NPIPB2: variants seen among roughly 807,000 people sequenced by gnomAD.
The protein encoded by NPIPB2 is nuclear pore complex interacting protein family member B2, also known as nuclear pore complex-interacting protein family member B2.
Under a neutral mutation model 30.8 loss-of-function variants are expected in NPIPB2, and 27 were observed. The observed-to-expected ratio is 0.88, with a 90% CI of 0.65 to 1.21. The LOEUF is 1.21. NPIPB2 is among the 50% of genes most tolerant of loss of function. The probability of loss-of-function intolerance (pLI) is 0.00; values close to 1 mark genes in which losing one functional copy is unlikely to be tolerated. For missense variants in NPIPB2, 440 were observed against 446.2 expected (o/e 0.99, Z 0.13); for synonymous variants, 147 against 162.0 (o/e 0.91, Z 0.70).
intron 4 of NPIPB2, 66 bp from the exon 5 acceptor site, chr16:11,930,617 CT>C (rs1352477543): frequency 9.0e-7 from 1 of 1,107,112 alleles, no homozygotes; most frequent in Non-Finnish European, 1.3e-6. Flanking sequence ...TCCCTCTGCC[CT>C]TCTGGCATCT....
intron 1 of NPIPB2, among the ~76,000 whole-genome samples, chr16:11,957,347 T>C (rs1322043374): frequency 1.3e-5 from 2 of 152,070 alleles, no homozygotes; most frequent in African/African-American, 4.8e-5. Flanking sequence ...ATACTTTTAG[T>C]AGAGACAGGG....
At chr16:11,938,087 C>T (rs1184075917) in intron 1 of NPIPB2, among the ~76,000 whole-genome samples, 4 of 152,184 alleles carry the variant, frequency 2.6e-5, no homozygotes, top group Non-Finnish European at 5.9e-5. Flanking sequence ...GGTGCAATCT[C>T]GGCTCACTGC....
intron 1 of NPIPB2, among the ~76,000 whole-genome samples, chr16:11,973,717 G>T (rs1011265994): frequency 7.9e-5 from 12 of 152,048 alleles, no homozygotes; most frequent in African/African-American, 2.9e-4. Context: ...TTCCTAGCTG[G>T]TCTGGAACTC....
exon 4 of NPIPB2, chr16:11,933,676 A>G: frequency 6.3e-7 from 1 of 1,596,778 alleles, no homozygotes. Context: ...AAAGGAAGAA[A>G]CTCTTTTCTT....
chr16:11,941,705 G>C, intron 1 of NPIPB2: 1 of 713,980 alleles, frequency 1.4e-6, no homozygotes, highest in East Asian at 2.7e-5. Flanking sequence ...TGATGACCCC[G>C]GTGGTGCCTC....
At chr16:11,975,902 A>G (rs1464854006) in intron 1 of NPIPB2, among the ~76,000 whole-genome samples, 1 of 151,410 alleles carries the variant, frequency 6.6e-6, no homozygotes, top group African/African-American at 2.4e-5. Context: ...CCTAGGAGCC[A>G]TATCTTAAAA....
intron 4 of NPIPB2, among the ~76,000 whole-genome samples, chr16:11,932,212 T>C (rs1282467043): frequency 5.3e-5 from 8 of 152,138 alleles, no homozygotes; most frequent in Admixed American, 5.2e-4. Context: ...CAAGATAACA[T>C]GCTACTAGGC....
At chr16:11,964,992 G>A in intron 1 of NPIPB2, 1 of 377,092 alleles carries the variant, frequency 2.7e-6, no homozygotes, top group Non-Finnish European at 4.9e-6. Flanking sequence ...TGATGCTGTG[G>A]GCTTGTCTGC....
chr16:11,941,329 G>T (rs550711595), intron 1 of NPIPB2: 20 of 570,798 alleles, frequency 3.5e-5, no homozygotes, highest in Non-Finnish European at 5.1e-5. Flanking sequence ...GACAGGGACC[G>T]GGCCGGATCT....
At chr16:11,934,730 ACG>A (rs2054842081) in intron 2 of NPIPB2, among the ~76,000 whole-genome samples, 1 of 148,502 alleles carries the variant, frequency 6.7e-6, no homozygotes, top group East Asian at 2.0e-4. Context: ...ATGGTGATGC[ACG>A]CCTGTAGCCC....
upstream of NPIPB2, among the ~76,000 whole-genome samples, chr16:11,944,373 G>T (rs2054979413): frequency 1.3e-5 from 2 of 151,770 alleles, no homozygotes; most frequent in South Asian, 4.2e-4. Flanking sequence ...TCACGATGTT[G>T]CCAGGCTGGT....
rs577112563 is a variant in NPIPB2 at position 11,939,103 on chromosome 16, G to T, written c.64-1435C>A. Among the ~76,000 whole-genome samples, 8 of 151,806 alleles carry T rather than the reference G, an allele frequency of 5.3e-5. No homozygotes were observed. The South Asian group carries it at 1.7e-3, about 32-fold the overall frequency. ...GTTTTTTAAATTGATGTATAACATT[G>T]GATGCATTTATTATATATCATATGG... is the stretch of plus-strand genomic sequence containing the variant. On this transcript the variant is annotated intron_variant, in intron 1 of 7. Transcript: ENST00000399147.
chr16:11,933,840 G>T (rs766197037), exon 3 of NPIPB2: 3 of 1,584,036 alleles, frequency 1.9e-6, no homozygotes, highest in Admixed American at 1.7e-5. Flanking sequence ...TGTCTACGGC[G>T]GTTGGACCTC....
rs368234164 is a variant in NPIPB2 at position 11,963,057 on chromosome 16, AAAACAAAC to A, written c.-584+13503_-584+13510del. Among the ~76,000 whole-genome samples, 10 of 151,990 alleles carry A rather than the reference AAAACAAAC, an allele frequency of 6.6e-5. No homozygotes were observed. In the East Asian group the frequency reaches 9.6e-4, roughly 15 times the overall value. On this transcript the variant is annotated intron_variant, in intron 1 of 5. Transcript: ENST00000538896. ...TGGCAACAGAGGGAGACTCCATCTCAAAACAAACAAACAAACAAACAAACAAATAAATA... is the reference window on the plus strand; with the variant it reads ...TGGCAACAGAGGGAGACTCCATCTCAAAACAAACAAACAAACAAATAAATA...
At chr16:11,963,380 C>CAAAAAAAAA (rs35810741) in intron 1 of NPIPB2, among the ~76,000 whole-genome samples, 2 of 62,610 alleles carry the variant, frequency 3.2e-5, no homozygotes. Flanking sequence ...AACTCCAGCT[C>CAAAAAAAAA]AAAAAAAAAA....
rs1196146962 is a variant in NPIPB2 at position 11,934,014 on chromosome 16, C to T, written c.193-90G>A. ...TTGGGAGGCCGAGGCAGGTGGATCA[C>T]GGGGTCAGGAGTTCAAGACCAGCCT... On this transcript the variant is annotated intron_variant, in intron 2 of 7. Transcript: ENST00000399147. 9 of 1,006,718 alleles carry T rather than the reference C, an allele frequency of 8.9e-6. 1 individual carries two copies. The highest frequency in any genetic ancestry group is 1.4e-5 in the Non-Finnish European group (9 of 660,476). 62.4% of individuals were successfully genotyped at this position (1,006,718 alleles called of 1,614,324 possible).
chr16:11,937,127 T>G (rs1205536710), intron 2 of NPIPB2, among the ~76,000 whole-genome samples: 2 of 152,216 alleles, frequency 1.3e-5, no homozygotes, highest in Admixed American at 6.5e-5. Flanking sequence ...TATGTTTTTC[T>G]TTTCCTGTTA....
chr16:11,975,145 T>TC (rs71139568), intron 1 of NPIPB2, among the ~76,000 whole-genome samples: 42 of 54,460 alleles, frequency 7.7e-4, no homozygotes, highest in East Asian at 6.3e-3. Flanking sequence ...CATCACCTTT[T>TC]TTTTTTTTTT....
At chr16:11,962,045 C>G (rs1329614990) in intron 1 of NPIPB2, among the ~76,000 whole-genome samples, 1 of 151,498 alleles carries the variant, frequency 6.6e-6, no homozygotes, top group African/African-American at 2.4e-5. Context: ...ACAAAAAATA[C>G]AAAAATTAGC....
Sources: gnomAD v4.1 joint callset for allele counts (sites outside exome capture counted in the v4.1 genomes callset) on GRCh38, gnomAD v4.1.1 for gene constraint, MANE v1.5 for transcripts, NCBI Gene and HGNC (gene_info 2026-07-23, HGNC 2026-07-21) for gene names.